GBP4: variants seen among roughly 807,000 people sequenced by gnomAD.
The protein encoded by GBP4 is guanylate binding protein 4.
In GBP4, 69 loss-of-function variants were observed where a neutral mutation model predicts 62.2. The observed-to-expected ratio is 1.11, with a 90% CI of 0.91 to 1.36. The LOEUF (loss-of-function observed/expected upper bound fraction) is 1.36. Among genes scored for constraint, GBP4 ranks in the 40% most tolerant of loss-of-function variants. The pLI is 0.00. For synonymous variants in GBP4, 278 were observed against 274.6 expected (o/e 1.01, Z -0.12); for missense variants, 697 against 759.3 (o/e 0.92, Z 0.96).
chr1:89,197,034 G>GC (rs200093239), intron 2 of GBP4, 76 bp downstream of exon 2: 29,212 of 1,213,264 alleles, frequency 0.024, 465 homozygotes, highest in Middle Eastern at 0.056. Flanking sequence ...TCTTTAGGAT[G>GC]ACCCTAGAGG....
intron 3 of GBP4, among the ~76,000 whole-genome samples, chr1:89,193,749 G>A (rs1466140161): frequency 6.6e-6 from 1 of 152,156 alleles, no homozygotes; most frequent in Non-Finnish European, 1.5e-5. Context: ...ATGCTATTCA[G>A]TTAAGTTCAA....
At position 89,192,893 on chromosome 1, in the gene GBP4, T is replaced by G; in HGVS notation, c.670+11A>C. The G allele has an allele frequency of 6.2e-7, 1 of 1,612,350 alleles. No individual in the cohort carries two copies. The highest frequency in any genetic ancestry group is 1.1e-5 in the South Asian group (1 of 90,956). Reference sequence around the variant, plus strand: ...ACTGAACCTTCCCACATCCAGGCCATGCTCTGATACCTGGAATCAGCTTCA... The same window carrying G: ...ACTGAACCTTCCCACATCCAGGCCAGGCTCTGATACCTGGAATCAGCTTCA... On this transcript the variant is annotated intron_variant, in intron 5 of 10. Transcript: ENST00000355754.
Position 89,186,603 on chromosome 1 carries a change from C to T in GBP4, c.1514-77G>A, listed in dbSNP as rs538600337. 69 of 1,322,644 alleles carry T rather than the reference C, an allele frequency of 5.2e-5. 1 individual carries two copies. Among genetic ancestry groups the T allele is most frequent in the Middle Eastern group, 2.4e-4 (1 of 4,152 alleles). 81.9% of individuals were successfully genotyped at this position (1,322,644 alleles called of 1,614,324 possible). On this transcript the variant is annotated intron_variant, in intron 9 of 10. Coordinates refer to ENST00000355754, the MANE Select transcript of GBP4 (RefSeq NM_052941.5). ...TCTACCCTCCTGAGCTCAGATCAAA[C>T]TGACTCGGAGAAAAGCACAAAGGTG...
chr1:89,196,121 A>G (rs1011016052), intron 2 of GBP4, among the ~76,000 whole-genome samples: 9 of 152,218 alleles, frequency 5.9e-5, no homozygotes, highest in Middle Eastern at 3.2e-3. Flanking sequence ...ACCAGGATAT[A>G]AATAATAAGA....
rs149907641 is a variant in GBP4 at position 89,193,006 on chromosome 1, C to A, written c.568G>T (p.Asp190Tyr). The A allele has an allele frequency of 7.9e-3, 12,689 of 1,614,128 alleles. 85 individuals are homozygous for A. The highest frequency in any genetic ancestry group is 9.0e-3 in the Non-Finnish European group (10,659 of 1,180,014). The change falls in exon 5 of 11, where the codon GAC becomes TAC. Residue 190 changes from aspartate to tyrosine, a missense_variant. Physicochemically the swap from Asp to Tyr is radical, Grantham distance 160. Around this residue, in one of 2 missense-constraint regions of GBP4, gnomAD observed 556 missense variants for 562.7 expected, o/e 0.99. Coordinates refer to ENST00000355754, the MANE Select transcript of GBP4 (RefSeq NM_052941.5). ...AAATCCCGAACAGTCCAAATAAAGT[C>A]TGGAAAGAAACTCGCAAACTCGCTG... ...DSSEFASFFP[D>Y]FIWTVRDFTL...
chr1:89,186,858 G>A lies in GBP4; in HGVS notation c.1513+142C>T, dbSNP rs1222355479. Reference sequence around the variant, plus strand: ...CTATAGTCGCTGTGCTGTACATTTGGTATCCAGAACTTATTAATATTTTAA... The same window carrying A: ...CTATAGTCGCTGTGCTGTACATTTGATATCCAGAACTTATTAATATTTTAA... On this transcript the variant is annotated intron_variant, in intron 9 of 10. Coordinates refer to ENST00000355754, the MANE Select transcript of GBP4 (RefSeq NM_052941.5). 1.1e-5 allele frequency: 8 copies of A among 729,806 alleles called. No individual in the cohort carries two copies. The East Asian group carries it at 2.1e-4, about 19-fold the overall frequency. 45.2% of individuals were successfully genotyped at this position (729,806 alleles called of 1,614,324 possible).
In GBP4 at chr1:89,197,294, T is replaced by C; in HGVS notation, c.51A>G (p.Glu17=). 2 of 1,613,908 alleles carry C rather than the reference T, an allele frequency of 1.2e-6. No homozygotes were observed. The highest frequency in any genetic ancestry group is 1.7e-6 in the Non-Finnish European group (2 of 1,179,838). The change falls in exon 2 of 11, where the codon GAA becomes GAG. Residue 17 remains glutamate, a synonymous_variant. Coordinates refer to ENST00000355754, the MANE Select transcript of GBP4 (RefSeq NM_052941.5). The part of the protein sequence containing the change: ...HAAVPTPGYP[E]SESIMMAPIC... Reference sequence around the variant, plus strand: ...TGGGGGCCATCATGATGGATTCAGATTCTGGATAACCTGTAACCCAGAAAA... The same window carrying C: ...TGGGGGCCATCATGATGGATTCAGACTCTGGATAACCTGTAACCCAGAAAA...
rs1648415858 is a variant in GBP4 at position 89,198,785 on chromosome 1, G to C, written c.40+10C>G. ...TATACTTGAAAGGTAAAGCTTAAGAGCAAACTTACCTGGTGTGGGCACTGC... is the reference window on the plus strand; with the variant it reads ...TATACTTGAAAGGTAAAGCTTAAGACCAAACTTACCTGGTGTGGGCACTGC... On this transcript the variant is annotated intron_variant, in intron 1 of 10. Coordinates refer to ENST00000355754, the MANE Select transcript of GBP4 (RefSeq NM_052941.5). 6.2e-7 allele frequency: 1 copy of C among 1,611,434 alleles called. No individual in the cohort carries two copies. The highest frequency in any genetic ancestry group is 1.3e-5 in the African/African-American group (1 of 74,868).
At chr1:89,191,170 C>A in intron 6 of GBP4, 91 bp downstream of exon 6, 1 of 1,427,658 alleles carries the variant, frequency 7.0e-7, no homozygotes, top group Non-Finnish European at 9.6e-7. Flanking sequence ...TATACAGAAG[C>A]AAACAATATT....
At chr1:89,186,024 G>C (rs552345746) in intron 10 of GBP4, among the ~76,000 whole-genome samples, 1 of 152,144 alleles carries the variant, frequency 6.6e-6, no homozygotes, top group Non-Finnish European at 1.5e-5. Flanking sequence ...GCCAAAAATC[G>C]CAAGGATTGG....
intron 6 of GBP4, 86 bp from the exon 7 acceptor site, chr1:89,190,404 A>C (rs1322628009): frequency 4.1e-6 from 5 of 1,219,350 alleles, no homozygotes; most frequent in Non-Finnish European, 5.6e-6. Flanking sequence ...AAAATTACAA[A>C]AATTCTAATT....
chr1:89,188,027 CT>C (rs1287129554), intron 8 of GBP4, among the ~76,000 whole-genome samples: 1 of 152,152 alleles, frequency 6.6e-6, no homozygotes, highest in African/African-American at 2.4e-5. Context: ...GTCTTAGGCA[CT>C]TTATTAACCT....
rs1325194840 is a variant in GBP4 at position 89,184,008 on chromosome 1, A to G, written c.*1246T>C. ...TCCAGAATCTATAAGAAGCTTCAAA[A>G]AATTTACAAGCGAAAAACAAGCAAC... On this transcript the variant is annotated 3_prime_UTR_variant, in exon 11 of 11. Transcript: ENST00000355754. 1 of 152,256 alleles carries G rather than the reference A, an allele frequency of 6.6e-6. No homozygotes were observed. Among genetic ancestry groups the G allele is most frequent in the Non-Finnish European group, 1.5e-5 (1 of 68,040 alleles). The allele number at this position is 152,256 out of a possible 1,614,324, so 9.4% of individuals were successfully genotyped here.
In GBP4 at chr1:89,183,427, A is replaced by G. The variant is rs1647945169; in HGVS notation, c.*1827T>C. 6.6e-6 allele frequency: 1 copy of G among 152,218 alleles called. No homozygotes were observed. Among genetic ancestry groups the G allele is most frequent in the East Asian group, 1.9e-4 (1 of 5,202 alleles). 9.4% of individuals were successfully genotyped at this position (152,218 alleles called of 1,614,324 possible). A position where few individuals can be genotyped will look rare whatever the true frequency, so the allele number is the denominator to read the frequency against. On this transcript the variant is annotated 3_prime_UTR_variant, in exon 11 of 11. Coordinates refer to ENST00000355754, the MANE Select transcript of GBP4 (RefSeq NM_052941.5). The stretch of plus-strand genomic sequence containing the variant: ...AAGAAGGATTAAAGACTTAAATATA[A>G]AACATTAAACTATAAAAACTCTGAA...
intron 3 of GBP4, among the ~76,000 whole-genome samples, chr1:89,194,375 C>T (rs987892005): frequency 1.3e-5 from 2 of 151,596 alleles, no homozygotes; most frequent in South Asian, 2.1e-4. Context: ...ATGTTTTGAT[C>T]GCTTGACAAA....
chr1:89,194,696 TA>T (rs1648281275), intron 3 of GBP4, among the ~76,000 whole-genome samples: 2 of 152,232 alleles, frequency 1.3e-5, no homozygotes. Context: ...TAATTCATGC[TA>T]TTAAAGAAGT....
At chr1:89,190,433 A>T in intron 6 of GBP4, 115 bp from the exon 7 acceptor site, 3 of 804,036 alleles carry the variant, frequency 3.7e-6, no homozygotes, top group South Asian at 2.5e-5. Context: ...GTTTCTTATC[A>T]CTCCTTTATT....
At chr1:89,193,516 TA>T in intron 3 of GBP4, 104 bp from the exon 4 acceptor site, 1 of 975,204 alleles carries the variant, frequency 1.0e-6, no homozygotes, top group South Asian at 1.6e-5. Flanking sequence ...AGTTGAATAA[TA>T]GGGTAAATAA....
At chr1:89,187,598 T>A (rs1234816050) in intron 8 of GBP4, among the ~76,000 whole-genome samples, 1 of 151,994 alleles carries the variant, frequency 6.6e-6, no homozygotes, top group East Asian at 1.9e-4. Flanking sequence ...GGTTAATATC[T>A]AAAATACAAA....
Sources: allele counts gnomAD v4.1 joint callset (sites outside exome capture counted in the v4.1 genomes callset), GRCh38; gene constraint gnomAD v4.1.1; regional missense constraint gnomAD v4.1.1; transcripts MANE v1.5; gene names NCBI Gene and HGNC (gene_info 2026-07-23, HGNC 2026-07-21).